The following PCDHGB7 variants were observed in gnomAD, a reference collection of about 807,000 sequenced individuals.
The protein encoded by PCDHGB7 is protocadherin gamma subfamily B, 7, also known as protocadherin gamma-B7.
Under a neutral mutation model 61.4 loss-of-function variants are expected in PCDHGB7, and 37 were observed. The ratio of observed to expected loss-of-function variants is 0.60; its 90% CI spans 0.46 to 0.79. The LOEUF (loss-of-function observed/expected upper bound fraction) is 0.79. PCDHGB7 is among the 30% of genes least tolerant of loss of function. PCDHGB7 has a pLI of 0.00. For missense variants in PCDHGB7, 1,166 were observed against 1,202.5 expected (o/e 0.97, Z 0.45); for synonymous variants, 464 against 503.5 (o/e 0.92, Z 1.05).
chr5:141,424,232 C>A (rs182055138), intron 1 of PCDHGB7: 1 of 158,642 alleles, frequency 6.3e-6, no homozygotes, highest in East Asian at 1.9e-4. Context: ...TATTTTGATT[C>A]TTGGTGGCTG....
intron 1 of PCDHGB7, among the ~76,000 whole-genome samples, chr5:141,464,417 A>C (rs2099083685): frequency 6.6e-6 from 1 of 151,564 alleles, no homozygotes; most frequent in African/African-American, 2.4e-5. Flanking sequence ...ATATATATCT[A>C]TATATATAGA....
chr5:141,466,799 C>T (rs1049340129), intron 1 of PCDHGB7, among the ~76,000 whole-genome samples: 1 of 152,056 alleles, frequency 6.6e-6, no homozygotes, highest in African/African-American at 2.4e-5. Flanking sequence ...CAAACTAGAT[C>T]CTATTCAGAC....
chr5:141,442,227 T>G (rs953690152), intron 1 of PCDHGB7: 16 of 153,240 alleles, frequency 1.0e-4, no homozygotes, highest in African/African-American at 3.6e-4. Context: ...TTAATTTCCT[T>G]TTTATTCTTC....
intron 1 of PCDHGB7, among the ~76,000 whole-genome samples, chr5:141,480,895 A>G (rs1275670492): frequency 6.6e-6 from 1 of 152,048 alleles, no homozygotes; most frequent in African/African-American, 2.4e-5. Flanking sequence ...AAATGCAAAC[A>G]TTAGCTGGGC....
At chr5:141,452,490 C>A (rs2098742307) in intron 1 of PCDHGB7, among the ~76,000 whole-genome samples, 1 of 152,188 alleles carries the variant, frequency 6.6e-6, no homozygotes, top group East Asian at 1.9e-4. Flanking sequence ...TAAACACACC[C>A]ATATTTATAT....
In PCDHGB7 at chr5:141,430,383, GAA is replaced by G. The variant is rs139772145; in HGVS notation, c.2415+10121_2415+10122del. Among the ~76,000 whole-genome samples the G allele has an allele frequency of 1.3e-3, 180 of 138,574 alleles. 1 individual carries two copies. Among genetic ancestry groups the G allele is most frequent in the African/African-American group, 4.5e-3 (169 of 37,858 alleles). 90.9% of individuals were successfully genotyped at this position (138,574 alleles called of 152,430 possible). A position where few individuals can be genotyped will look rare whatever the true frequency, so the allele number is the denominator to read the frequency against. On this transcript the variant is annotated intron_variant, in intron 1 of 3. Coordinates refer to ENST00000398594, the MANE Select transcript of PCDHGB7 (RefSeq NM_018927.4). ...CATTGGGGAAAAAAAAGCTCATTGG[GAA>G]AAAAAAAAAAAGCTCACTAAAGTTT...
chr5:141,421,404 G>A, intron 1 of PCDHGB7: 17 of 1,614,080 alleles, frequency 1.1e-5, no homozygotes, highest in Non-Finnish European at 1.4e-5. Flanking sequence ...AGCCCCGGGA[G>A]CTGGCGAAGC....
rs200715621 is a variant in PCDHGB7 at position 141,432,628 on chromosome 5, G to A, written c.2415+12354G>A. 3.2e-4 allele frequency: 515 copies of A among 1,611,902 alleles called. No individual in the cohort carries two copies. Among genetic ancestry groups the A allele is most frequent in the Non-Finnish European group, 4.2e-4 (497 of 1,179,404 alleles). On this transcript the variant is annotated intron_variant, in intron 1 of 3. Coordinates refer to ENST00000398594, the MANE Select transcript of PCDHGB7 (RefSeq NM_018927.4). The surrounding 1 kb of genome is among the most constrained non-coding windows in gnomAD (Gnocchi z 6.0). ...GACTCTTCTCGGTGGGTCTGCACAC[G>A]GGCGAGGTGCGCACGGCGCGAGCCC...
At chr5:141,475,829 G>A (rs1408248560) in intron 1 of PCDHGB7, 5 of 386,748 alleles carry the variant, frequency 1.3e-5, no homozygotes, top group Non-Finnish European at 2.3e-5. Flanking sequence ...GCGCTAGCGC[G>A]TGTCCTGCTC....
At chr5:141,505,552 T>C (rs920594597) in intron 3 of PCDHGB7, 71 bp downstream of exon 3, 8 of 1,608,230 alleles carry the variant, frequency 5.0e-6, no homozygotes, top group Non-Finnish European at 6.8e-6. Context: ...ACAGCCACCA[T>C]GCCCACGGAC....
At position 141,491,687 on chromosome 5, in the gene PCDHGB7, G is replaced by T. The variant is rs946829558; in HGVS notation, c.2416-3120G>T. 6.2e-7 allele frequency: 1 copy of T among 1,613,072 alleles called. No individual in the cohort carries two copies. Among genetic ancestry groups the T allele is most frequent in the African/African-American group, 1.3e-5 (1 of 75,046 alleles). On this transcript the variant is annotated intron_variant, in intron 1 of 3. Transcript: ENST00000398594. This position sits in a 1 kb window ranked among gnomAD's most constrained non-coding sequence, Gnocchi z 6.9. ...ATCCGGTCCCGCTCTAATACGCTGC[G>T]GGAGCGGAGCCAGGTGAGGGGCTCG...
intron 1 of PCDHGB7, among the ~76,000 whole-genome samples, chr5:141,457,827 C>T (rs1300495115): frequency 2.0e-5 from 3 of 152,204 alleles, no homozygotes; most frequent in Admixed American, 6.5e-5. Context: ...AAACTCAGAG[C>T]TTCCAGACCT....
Position 141,419,431 on chromosome 5 carries a change from G to A in PCDHGB7, c.1572G>A (p.Gln524=). Residue 524 remains glutamine, a synonymous_variant, in exon 1 of 4, where the codon CAG becomes CAA. Coordinates refer to ENST00000398594, the MANE Select transcript of PCDHGB7 (RefSeq NM_018927.4). The part of the protein sequence containing the change: ...VFAQRAFDHE[Q]LRTFELTLQA... The stretch of plus-strand genomic sequence containing the variant: ...CGCAGCGCGCCTTCGACCACGAGCA[G>A]CTGCGCACCTTCGAGCTCACGCTGC... 2 of 1,613,306 alleles carry A rather than the reference G, an allele frequency of 1.2e-6. No homozygotes were observed.
chr5:141,432,073 C>T lies in PCDHGB7; in HGVS notation c.2415+11799C>T, dbSNP rs1276949951. On this transcript the variant is annotated intron_variant, in intron 1 of 3. Transcript: ENST00000398594. This position sits in a 1 kb window ranked among gnomAD's most constrained non-coding sequence, Gnocchi z 6.0. ...CGCCCCTATCCACGGAAACTCATAT[C>T]TCGCTGAACGTGGCAGACACCAACG... is the stretch of plus-strand genomic sequence containing the variant. 3.1e-6 allele frequency: 5 copies of T among 1,614,208 alleles called. No homozygotes were observed. Among genetic ancestry groups the T allele is most frequent in the Non-Finnish European group, 4.2e-6 (5 of 1,180,040 alleles).
chr5:141,429,169 T>TACGC (rs2097190400), intron 1 of PCDHGB7: 1 of 145,394 alleles, frequency 6.9e-6, no homozygotes, highest in Non-Finnish European at 1.5e-5. Flanking sequence ...ACATTGTTTA[T>TACGC]ACACACACAC....
rs1485669709 is a variant in PCDHGB7 at position 141,432,989 on chromosome 5, G to A, written c.2415+12715G>A. On this transcript the variant is annotated intron_variant, in intron 1 of 3. Coordinates refer to ENST00000398594, the MANE Select transcript of PCDHGB7 (RefSeq NM_018927.4). The surrounding 1 kb of genome is among the most constrained non-coding windows in gnomAD (Gnocchi z 6.0). ...GCCGGCGTCGCACTTTGTGGGCGTG[G>A]ACGGGGTGCAGGCTTTCCTGCAGAC... The A allele has an allele frequency of 1.9e-6, 3 of 1,614,210 alleles. No individual in the cohort carries two copies. The highest frequency in any genetic ancestry group is 1.3e-5 in the African/African-American group (1 of 75,066).
chr5:141,487,442 G>A lies in PCDHGB7; in HGVS notation c.2416-7365G>A, dbSNP rs749842864. 1 of 1,613,918 alleles carries A rather than the reference G, an allele frequency of 6.2e-7. No homozygotes were observed. Among genetic ancestry groups the A allele is most frequent in the Non-Finnish European group, 8.5e-7 (1 of 1,179,798 alleles). On this transcript the variant is annotated intron_variant, in intron 1 of 3. Coordinates refer to ENST00000398594, the MANE Select transcript of PCDHGB7 (RefSeq NM_018927.4). The surrounding 1 kb of genome is among the most constrained non-coding windows in gnomAD (Gnocchi z 5.0). ...GATCCTCCGAATCCAGCTAGGGTCA[G>A]ATGACCCTATCAAGTTTGTTGATGT...
intron 3 of PCDHGB7, among the ~76,000 whole-genome samples, chr5:141,509,952 C>T (rs954730777): frequency 7.2e-5 from 11 of 152,186 alleles, no homozygotes; most frequent in African/African-American, 2.2e-4. Flanking sequence ...CAAATGCTAC[C>T]GGGTATGGCC....
At chr5:141,509,268 G>A (rs2099875959) in intron 3 of PCDHGB7, among the ~76,000 whole-genome samples, 1 of 152,150 alleles carries the variant, frequency 6.6e-6, no homozygotes, top group South Asian at 2.1e-4. Flanking sequence ...AGTCACTCTC[G>A]CTACCCGCTC....
Sources: gnomAD v4.1 joint callset for allele counts (sites outside exome capture counted in the v4.1 genomes callset) on GRCh38, gnomAD v4.1.1 for gene constraint, Gnocchi (gnomAD v3.1) non-coding constraint, MANE v1.5 for transcripts, NCBI Gene and HGNC (gene_info 2026-07-23, HGNC 2026-07-21) for gene names.